Variants in NSMAF observed in about 807,000 individuals in gnomAD.
NSMAF encodes the protein protein FAN.
NSMAF carries 90 observed loss-of-function variants against 134.9 expected under a neutral mutation model. That is an observed-to-expected ratio of 0.67 (90% confidence interval 0.56 to 0.79). NSMAF has a LOEUF of 0.79. Among genes scored for constraint, NSMAF ranks in the 30% least tolerant of loss-of-function variants. The pLI is 0.00. For synonymous variants in NSMAF, 358 were observed against 389.6 expected (o/e 0.92, Z 0.96); for missense variants, 1,010 against 1,119.0 (o/e 0.90, Z 1.39).
intron 9 of NSMAF, among the ~76,000 whole-genome samples, chr8:58,614,424 T>C (rs1275774642): frequency 1.4e-4 from 22 of 152,244 alleles, no homozygotes; most frequent in Admixed American, 9.8e-4. Context: ...CATGAGCCTC[T>C]GAGCAGGCCT....
intron 1 of NSMAF, among the ~76,000 whole-genome samples, chr8:58,649,032 T>G (rs910479246): frequency 6.6e-6 from 1 of 152,160 alleles, no homozygotes; most frequent in Non-Finnish European, 1.5e-5. Context: ...AACCTCAGCA[T>G]GGAAAAGTTG....
Position 58,635,374 on chromosome 8 carries a change from T to C in NSMAF, c.229-2A>G. 1.3e-6 allele frequency: 2 copies of C among 1,597,040 alleles called. No individual in the cohort carries two copies. Among genetic ancestry groups the C allele is most frequent in the Non-Finnish European group, 1.7e-6 (2 of 1,173,706 alleles). On this transcript the variant is annotated splice_acceptor_variant, in intron 3 of 30. Transcript: ENST00000038176. LOFTEE classifies it high-confidence loss of function. Reference sequence around the variant, plus strand: ...TTTTATACAGTCTCTCAAAGGAATCTGGATAAAATTGAGAGAAATATTATA... The same window carrying C: ...TTTTATACAGTCTCTCAAAGGAATCCGGATAAAATTGAGAGAAATATTATA...
intron 12 of NSMAF, 31 bp downstream of exon 12, chr8:58,605,896 A>T: frequency 6.6e-7 from 1 of 1,514,604 alleles, no homozygotes; most frequent in Non-Finnish European, 8.8e-7. Context: ...AAAAAAAAAA[A>T]GAAAGAAACA....
At chr8:58,635,773 C>T (rs921302387) in intron 2 of NSMAF, among the ~76,000 whole-genome samples, 1 of 152,170 alleles carries the variant, frequency 6.6e-6, no homozygotes, top group Non-Finnish European at 1.5e-5. Context: ...TTTAATTAAA[C>T]TTCTTTGGTT....
intron 28 of NSMAF, chr8:58,586,201 T>C: frequency 1.6e-6 from 1 of 631,914 alleles, no homozygotes; most frequent in East Asian, 2.7e-5. Flanking sequence ...CCTTTGATTA[T>C]GAGTTCATTT....
At position 58,594,261 on chromosome 8, in the gene NSMAF, T is replaced by C. The variant is rs1285376268; in HGVS notation, c.1922A>G (p.Asn641Ser). 20 of 1,614,104 alleles carry C rather than the reference T, an allele frequency of 1.2e-5. No individual in the cohort carries two copies. The highest frequency in any genetic ancestry group is 1.4e-5 in the Non-Finnish European group (16 of 1,180,034). The change falls in exon 23 of 31, where the codon AAT becomes AGT. Residue 641 changes from asparagine to serine, a missense_variant. By Grantham distance (46) the Asn-to-Ser change is conservative. Transcript: ENST00000038176. ...GGATGTTGTGAATACTGAAGATCCA[T>C]TGCGAGAGACCGTGATTCCAGTAAC... ...EAVTGITVSR[N>S]GSSVFTTSQD...
At position 58,597,894 on chromosome 8, in the gene NSMAF, G is replaced by T. The variant is rs1428889911; in HGVS notation, c.1594C>A (p.Pro532Thr). 1.9e-6 allele frequency: 3 copies of T among 1,605,344 alleles called. No homozygotes were observed. The highest frequency in any genetic ancestry group is 2.6e-6 in the Non-Finnish European group (3 of 1,172,242). Residue 532 changes from proline to threonine, a missense_variant, in exon 20 of 31, where the codon CCC (proline) becomes ACC (threonine). Coordinates refer to ENST00000038176, the MANE Select transcript of NSMAF (RefSeq NM_003580.4). ...DAVGAHNVFH[P>T]LTYEGGVDLN... ...TCTACACCTCCTTCATAGGTCAGGG[G>T]ATGAAATACTGAAAAAGACATACAA...
chr8:58,594,085 A>T, intron 23 of NSMAF, 147 bp downstream of exon 23: 1 of 638,374 alleles, frequency 1.6e-6, no homozygotes, highest in Non-Finnish European at 2.8e-6. Flanking sequence ...ATGAAACTCT[A>T]TGTAATGTAC....
chr8:58,614,363 C>T (rs1053950360), intron 9 of NSMAF, among the ~76,000 whole-genome samples: 25 of 152,280 alleles, frequency 1.6e-4, no homozygotes, highest in African/African-American at 6.0e-4. Flanking sequence ...TTCCTCTTCT[C>T]TGTAACTAGT....
chr8:58,600,041 T>G lies in NSMAF; in HGVS notation c.1281-20A>C. 2 of 1,594,972 alleles carry G rather than the reference T, an allele frequency of 1.3e-6. No homozygotes were observed. Among genetic ancestry groups the G allele is most frequent in the Non-Finnish European group, 1.7e-6 (2 of 1,164,574 alleles). The stretch of plus-strand genomic sequence containing the variant: ...GCAATACTACATATGAAAAAAAAAT[T>G]CACCTATTTTCAGCTAAGGAAATAG... On this transcript the variant is annotated intron_variant, in intron 16 of 30. Coordinates refer to ENST00000038176, the MANE Select transcript of NSMAF (RefSeq NM_003580.4).
Position 58,584,133 on chromosome 8 carries a change from TTGTC to T in NSMAF, c.2723_2726del (p.Arg908LysfsTer16), listed in dbSNP as rs777136891. On this transcript the variant is annotated frameshift_variant, in exon 31 of 31. Transcript: ENST00000038176. LOFTEE classifies it high-confidence loss of function. ...AATACTGCAATTTCCAGAATATAAT[TTGTC>T]TGTCTTCCCCTCCTGTGATGATACT... The T allele has an allele frequency of 1.7e-5, 27 of 1,613,210 alleles. No individual in the cohort carries two copies. The highest frequency in any genetic ancestry group is 2.2e-5 in the Non-Finnish European group (26 of 1,179,326).
At chr8:58,608,104 T>C (rs1806449005) in intron 10 of NSMAF, among the ~76,000 whole-genome samples, 1 of 152,232 alleles carries the variant, frequency 6.6e-6, no homozygotes, top group African/African-American at 2.4e-5. Context: ...TTCAGGGATA[T>C]TTCAGGTTAG....
At chr8:58,626,344 T>A (rs1806931429) in intron 6 of NSMAF, among the ~76,000 whole-genome samples, 2 of 152,188 alleles carry the variant, frequency 1.3e-5, no homozygotes, top group Admixed American at 1.3e-4. Context: ...TCTGCCCACC[T>A]TGGCCTCCCA....
intron 2 of NSMAF, 118 bp downstream of exon 2, chr8:58,642,866 A>T: frequency 1.4e-6 from 1 of 738,174 alleles, no homozygotes; most frequent in Non-Finnish European, 2.3e-6. Context: ...ATTTACTTTA[A>T]TTTTTTTTAA....
At chr8:58,601,227 G>A in intron 16 of NSMAF, 58 bp downstream of exon 16, 1 of 1,359,102 alleles carries the variant, frequency 7.4e-7, no homozygotes, top group South Asian at 1.2e-5. Context: ...AAACAAGTAT[G>A]TTGTATATAT....
intron 30 of NSMAF, 135 bp downstream of exon 30, chr8:58,585,517 T>C: frequency 3.1e-6 from 2 of 642,310 alleles, no homozygotes; most frequent in Non-Finnish European, 5.5e-6. Flanking sequence ...ATCAAGAGGC[T>C]CCAGGGACAT....
In NSMAF at chr8:58,600,621, C is replaced by CAAAAAA. The variant is rs35209612; in HGVS notation, c.1281-606_1281-601dup. On this transcript the variant is annotated intron_variant, in intron 16 of 30. Transcript: ENST00000038176. Reference sequence around the variant, plus strand: ...TGGGCGACAGAGCAAGACTCTGTCTCAAAAAAAAAAAAAAAAAAAAAAAAA... The same window carrying CAAAAAA: ...TGGGCGACAGAGCAAGACTCTGTCTCAAAAAAAAAAAAAAAAAAAAAAAAAAAAAAA... 3.0e-3 allele frequency among the ~76,000 whole-genome samples: 135 copies of CAAAAAA among 44,676 alleles called. 19 individuals are homozygous for CAAAAAA. The highest frequency in any genetic ancestry group is 0.011 in the African/African-American group (125 of 11,314). The allele number at this position is 44,676 out of a possible 152,430, so 29.3% of individuals were successfully genotyped here. A position where few individuals can be genotyped will look rare whatever the true frequency, so the allele number is the denominator to read the frequency against.
At chr8:58,640,184 T>A in intron 2 of NSMAF, 4 of 409,196 alleles carry the variant, frequency 9.8e-6, no homozygotes, top group Non-Finnish European at 2.0e-5. Flanking sequence ...AGATCTTATA[T>A]GTTCTTATTC....
chr8:58,652,426 A>G (rs1028127918), intron 1 of NSMAF, among the ~76,000 whole-genome samples: 4 of 152,166 alleles, frequency 2.6e-5, no homozygotes, highest in Non-Finnish European at 4.4e-5. Flanking sequence ...TGTTTCCCCA[A>G]TCAAGAACAA....
Sources: gnomAD v4.1 joint callset for allele counts (sites outside exome capture counted in the v4.1 genomes callset) on GRCh38, gnomAD v4.1.1 for gene constraint, MANE v1.5 for transcripts, NCBI Gene and HGNC (gene_info 2026-07-23, HGNC 2026-07-21) for gene names.